The following AHCYL2 variants were observed in gnomAD, a reference collection of about 807,000 sequenced individuals.
AHCYL2 encodes the protein S-adenosylhomocysteine hydrolase-like protein 2.
In AHCYL2, 28 loss-of-function variants were observed where a neutral mutation model predicts 81.4. The observed-to-expected ratio is 0.34, with a 90% CI of 0.25 to 0.47. The LOEUF (loss-of-function observed/expected upper bound fraction) is 0.47, where lower values mean the gene tolerates loss of function less well. AHCYL2 is among the 20% of genes least tolerant of loss of function. The pLI is 1.00. For synonymous variants in AHCYL2, 272 were observed against 290.2 expected (o/e 0.94, Z 0.64); for missense variants, 551 against 785.1 (o/e 0.70, Z 3.56).
At chr7:129,237,775 TA>T (rs961237508) in intron 1 of AHCYL2, among the ~76,000 whole-genome samples, 5 of 152,134 alleles carry the variant, frequency 3.3e-5, no homozygotes, top group African/African-American at 1.2e-4. Flanking sequence ...TCGCCCAGGC[TA>T]GAGTGCAGTG....
rs1797382028 is a variant in AHCYL2 at position 129,426,733 on chromosome 7, CCCTTCCTGAATTTG to C, written c.1829+175_1829+188del. On this transcript the variant is annotated intron_variant, in intron 16 of 16. Transcript: ENST00000325006. The surrounding 1 kb of genome is among the most constrained non-coding windows in gnomAD (Gnocchi z 4.3). ...CTCTTCAAGGCCTTAAATAGTATTC[CCCTTCCTGAATTTG>C]CCTTTTGGAGATAGAGAGGTGGAGT... 6.6e-6 allele frequency among the ~76,000 whole-genome samples: 1 copy of C among 151,760 alleles called. No homozygotes were observed. The highest frequency in any genetic ancestry group is 1.5e-5 in the Non-Finnish European group (1 of 67,922).
chr7:129,308,218 C>T (rs1450746676), intron 1 of AHCYL2, among the ~76,000 whole-genome samples: 1 of 152,094 alleles, frequency 6.6e-6, no homozygotes, highest in Non-Finnish European at 1.5e-5. Context: ...TACTTAGAAC[C>T]CCAGAGCACT....
intron 2 of AHCYL2, among the ~76,000 whole-genome samples, chr7:129,386,100 G>A (rs1181907502): frequency 2.0e-5 from 3 of 152,092 alleles, no homozygotes; most frequent in South Asian, 4.1e-4. Context: ...CAGCCATGTC[G>A]TATCCACATA....
chr7:129,285,290 C>G (rs556134305), intron 1 of AHCYL2, among the ~76,000 whole-genome samples: 1 of 152,276 alleles, frequency 6.6e-6, no homozygotes, highest in East Asian at 1.9e-4. Context: ...GTCATTCTTG[C>G]AAGAGTTCAC....
chr7:129,337,037 A>G (rs1291182545), intron 1 of AHCYL2, among the ~76,000 whole-genome samples: 3 of 152,190 alleles, frequency 2.0e-5, no homozygotes, highest in Admixed American at 1.3e-4. Flanking sequence ...GTGAACCACT[A>G]CATGCTGGCT....
chr7:129,245,865 C>G (rs1022236288), intron 1 of AHCYL2, among the ~76,000 whole-genome samples: 1 of 152,030 alleles, frequency 6.6e-6, no homozygotes, highest in South Asian at 2.1e-4. Context: ...GGTTGTATAC[C>G]CAGAAATGGA....
chr7:129,372,873 T>C (rs1232045126), intron 1 of AHCYL2, among the ~76,000 whole-genome samples: 1 of 152,176 alleles, frequency 6.6e-6, no homozygotes, highest in African/African-American at 2.4e-5. Context: ...ACCTTTCAAA[T>C]AACCTTTACT....
intron 1 of AHCYL2, among the ~76,000 whole-genome samples, chr7:129,292,475 A>G (rs1796900487): frequency 6.6e-6 from 1 of 152,200 alleles, no homozygotes; most frequent in Admixed American, 6.5e-5. Context: ...AAGAATGAAA[A>G]TGATGTTAAG....
At chr7:129,354,265 G>C (rs1390679020) in intron 1 of AHCYL2, among the ~76,000 whole-genome samples, 4 of 152,182 alleles carry the variant, frequency 2.6e-5, no homozygotes, top group African/African-American at 9.7e-5. Flanking sequence ...ACAGGAGGGA[G>C]ATAGGAGAAG....
chr7:129,237,637 T>C (rs1340696959), intron 1 of AHCYL2, among the ~76,000 whole-genome samples: 1 of 152,162 alleles, frequency 6.6e-6, no homozygotes, highest in Non-Finnish European at 1.5e-5. Flanking sequence ...ACATGTCCTA[T>C]GCAGTGGTAG....
intron 1 of AHCYL2, among the ~76,000 whole-genome samples, chr7:129,336,071 C>CTTTTT (rs11373631): frequency 2.8e-4 from 33 of 118,430 alleles, no homozygotes; most frequent in African/African-American, 5.8e-4. Flanking sequence ...CTTTTCTTTC[C>CTTTTT]TTTTTTTTTT....
At chr7:129,397,014 T>TA (rs748712660) in intron 4 of AHCYL2, among the ~76,000 whole-genome samples, 3 of 152,220 alleles carry the variant, frequency 2.0e-5, no homozygotes, top group Non-Finnish European at 4.4e-5. Flanking sequence ...GGTAAAAACA[T>TA]AGAGTCAGCT....
intron 7 of AHCYL2, 90 bp from the exon 8 acceptor site, chr7:129,405,007 C>T: frequency 1.4e-6 from 1 of 726,278 alleles, no homozygotes; most frequent in Non-Finnish European, 2.2e-6. Context: ...TCATGCCTAC[C>T]CAATCAACGT....
intron 12 of AHCYL2, 99 bp from the exon 13 acceptor site, chr7:129,422,741 C>T (rs760668838): frequency 2.6e-4 from 263 of 1,014,632 alleles, no homozygotes; most frequent in Non-Finnish European, 3.4e-4. Context: ...GTTGGTTGCT[C>T]CTTTCAACCT....
intron 1 of AHCYL2, chr7:129,283,481 T>A: frequency 2.2e-6 from 1 of 455,452 alleles, no homozygotes; most frequent in Non-Finnish European, 4.4e-6. Context: ...GTCCATTATT[T>A]TAAATACTTC....
chr7:129,383,942 A>T (rs905225901), intron 2 of AHCYL2, among the ~76,000 whole-genome samples: 2 of 152,212 alleles, frequency 1.3e-5, no homozygotes, highest in African/African-American at 4.8e-5. Context: ...CTATAGTTAC[A>T]ACAATGTGTT....
chr7:129,326,926 T>G (rs1470678346), intron 1 of AHCYL2, among the ~76,000 whole-genome samples: 1 of 152,204 alleles, frequency 6.6e-6, no homozygotes, highest in African/African-American at 2.4e-5. Context: ...GATAAGCCAT[T>G]GAAAGGCTGT....
At chr7:129,332,213 ATTG>A (rs1386442844) in intron 1 of AHCYL2, among the ~76,000 whole-genome samples, 1 of 152,116 alleles carries the variant, frequency 6.6e-6, no homozygotes, top group Non-Finnish European at 1.5e-5. Context: ...TTCTTTTATT[ATTG>A]TTTTCCACAG....
chr7:129,269,021 A>G (rs1795909600), intron 1 of AHCYL2, among the ~76,000 whole-genome samples: 1 of 152,218 alleles, frequency 6.6e-6, no homozygotes, highest in Middle Eastern at 3.4e-3. Flanking sequence ...CGTTTCATAT[A>G]ATTTGCCTAT....
Sources: gnomAD v4.1 joint callset for allele counts (sites outside exome capture counted in the v4.1 genomes callset) on GRCh38, gnomAD v4.1.1 for gene constraint, Gnocchi (gnomAD v3.1) non-coding constraint, MANE v1.5 for transcripts, NCBI Gene and HGNC (gene_info 2026-07-23, HGNC 2026-07-21) for gene names.